THSD7A: variants seen among roughly 807,000 people sequenced by gnomAD.
The protein encoded by THSD7A is thrombospondin type 1 domain containing 7A.
A neutral mutation model predicts 231.3 loss-of-function variants in THSD7A; 96 were observed. The observed-to-expected ratio is 0.41, with a 90% CI of 0.35 to 0.49. The LOEUF (loss-of-function observed/expected upper bound fraction) is 0.49, where lower values mean the gene tolerates loss of function less well. Ranked by LOEUF, THSD7A falls within the 20% of genes least tolerant of loss-of-function variation. The pLI is 0.05. For missense variants in THSD7A, 2,290 were observed against 2,070.2 expected, an observed-to-expected ratio of 1.11 and a Z score of -2.06; for synonymous variants, 940 against 743.3, an observed-to-expected ratio of 1.26 and a Z score of -4.30.
At chr7:11,794,300 C>T (rs1038553611) in intron 1 of THSD7A, among the ~76,000 whole-genome samples, 1 of 151,914 alleles carries the variant, frequency 6.6e-6, no homozygotes, top group Non-Finnish European at 1.5e-5. Context: ...TGAGTCAGCA[C>T]TTCAAAGCTC....
intron 15 of THSD7A, among the ~76,000 whole-genome samples, chr7:11,425,242 T>C (rs189357993): frequency 3.3e-5 from 5 of 152,152 alleles, no homozygotes; most frequent in Non-Finnish European, 5.9e-5. Flanking sequence ...AGGATGAGGA[T>C]TGATGAATCA....
At chr7:11,583,663 A>G (rs1791268382) in intron 4 of THSD7A, among the ~76,000 whole-genome samples, 1 of 152,090 alleles carries the variant, frequency 6.6e-6, no homozygotes, top group Admixed American at 6.6e-5. Flanking sequence ...TTTATGATGG[A>G]TTATTTTTCC....
chr7:11,559,085 C>G (rs549800104), intron 4 of THSD7A, among the ~76,000 whole-genome samples: 1 of 152,114 alleles, frequency 6.6e-6, no homozygotes, highest in South Asian at 2.1e-4. Context: ...TTCCTAGAAG[C>G]TGGGAACAGT....
intron 11 of THSD7A, among the ~76,000 whole-genome samples, chr7:11,447,659 T>C (rs1785016326): frequency 6.6e-6 from 1 of 152,268 alleles, no homozygotes; most frequent in Admixed American, 6.5e-5. Context: ...TGGACACATA[T>C]GCATACTTAG....
intron 4 of THSD7A, among the ~76,000 whole-genome samples, chr7:11,564,252 A>G (rs1790205609): frequency 6.6e-6 from 1 of 152,160 alleles, no homozygotes; most frequent in South Asian, 2.1e-4. Context: ...CTTCCCAATT[A>G]TGGGTGTCGA....
At chr7:11,503,474 TAA>T (rs992813981) in intron 6 of THSD7A, among the ~76,000 whole-genome samples, 2 of 152,010 alleles carry the variant, frequency 1.3e-5, no homozygotes, top group Non-Finnish European at 2.9e-5. Flanking sequence ...TAATTAAACT[TAA>T]GAGCTTCTGC....
intron 2 of THSD7A, among the ~76,000 whole-genome samples, chr7:11,611,466 T>C (rs1260022068): frequency 1.3e-5 from 2 of 151,882 alleles, no homozygotes; most frequent in Admixed American, 6.6e-5. Context: ...ATCTAGTATA[T>C]TACTTGTGAA....
rs532350162 is a variant in THSD7A at position 11,508,791 on chromosome 7, T to C, written c.1823-26809A>G. 2.0e-5 allele frequency among the ~76,000 whole-genome samples: 3 copies of C among 152,350 alleles called. No individual in the cohort carries two copies. In the East Asian group the frequency reaches 5.8e-4, roughly 29 times the overall value. On this transcript the variant is annotated intron_variant, in intron 6 of 27. Transcript: ENST00000423059. ...AAGCAGGAAATTCTGCAATATGCAA[T>C]AACATGGATTAATCTTGAAGACATT...
intron 4 of THSD7A, among the ~76,000 whole-genome samples, chr7:11,572,530 GA>G (rs911776488): frequency 4.0e-5 from 6 of 151,766 alleles, no homozygotes; most frequent in Non-Finnish European, 1.5e-5. Flanking sequence ...TTTTTGGGGG[GA>G]CAGGGTCTCA....
At chr7:11,428,009 A>G (rs1246041794) in intron 14 of THSD7A, among the ~76,000 whole-genome samples, 2 of 152,132 alleles carry the variant, frequency 1.3e-5, no homozygotes, top group African/African-American at 4.8e-5. Flanking sequence ...CTTAATTCCA[A>G]GGTTCTTTCT....
intron 6 of THSD7A, among the ~76,000 whole-genome samples, chr7:11,491,124 T>C (rs1786873253): frequency 6.6e-6 from 1 of 152,114 alleles, no homozygotes; most frequent in African/African-American, 2.4e-5. Context: ...GGTATATACA[T>C]TGTACTAGAC....
At chr7:11,744,313 A>G (rs1267623863) in intron 1 of THSD7A, among the ~76,000 whole-genome samples, 1 of 151,908 alleles carries the variant, frequency 6.6e-6, no homozygotes, top group Non-Finnish European at 1.5e-5. Flanking sequence ...AAACTTCAAG[A>G]GAAAGCTTTA....
chr7:11,404,289 A>G (rs1783508431), intron 22 of THSD7A, among the ~76,000 whole-genome samples: 1 of 152,224 alleles, frequency 6.6e-6, no homozygotes, highest in Non-Finnish European at 1.5e-5. Context: ...AGTAACAGTC[A>G]AATGAGTGAG....
At chr7:11,645,318 A>G (rs930232866) in intron 1 of THSD7A, among the ~76,000 whole-genome samples, 5 of 151,756 alleles carry the variant, frequency 3.3e-5, no homozygotes, top group Non-Finnish European at 7.4e-5. Flanking sequence ...CTGACCATTA[A>G]AATGTATTTC....
intron 1 of THSD7A, among the ~76,000 whole-genome samples, chr7:11,796,317 A>G (rs1415417325): frequency 6.7e-6 from 1 of 149,298 alleles, no homozygotes; most frequent in African/African-American, 2.5e-5. Context: ...AAATTTTAAT[A>G]TCTGGTAAGA....
intron 1 of THSD7A, among the ~76,000 whole-genome samples, chr7:11,738,108 G>A (rs564486630): frequency 6.6e-6 from 1 of 152,086 alleles, no homozygotes; most frequent in African/African-American, 2.4e-5. Context: ...TTGAGTGCTA[G>A]ATCTATGTTC....
intron 11 of THSD7A, among the ~76,000 whole-genome samples, chr7:11,448,169 A>C (rs1463602185): frequency 6.6e-6 from 1 of 152,144 alleles, no homozygotes; most frequent in Non-Finnish European, 1.5e-5. Flanking sequence ...ATTACATATA[A>C]ATTTAAAAAA....
At chr7:11,499,882 T>C (rs908562746) in intron 6 of THSD7A, among the ~76,000 whole-genome samples, 1 of 152,160 alleles carries the variant, frequency 6.6e-6, no homozygotes, top group South Asian at 2.1e-4. Flanking sequence ...AACAAACAAC[T>C]TGGAAAATAT....
At chr7:11,761,911 T>TC (rs1244612259) in intron 1 of THSD7A, among the ~76,000 whole-genome samples, 2 of 152,066 alleles carry the variant, frequency 1.3e-5, no homozygotes, top group East Asian at 1.9e-4. Context: ...CCTCCCTCCT[T>TC]CCCCCCTTTT....
Sources: allele counts gnomAD v4.1 joint callset (sites outside exome capture counted in the v4.1 genomes callset), GRCh38; gene constraint gnomAD v4.1.1; transcripts MANE v1.5; gene names NCBI Gene and HGNC (gene_info 2026-07-23, HGNC 2026-07-21).